The following MOCOS variants were observed in gnomAD, a reference collection of about 807,000 sequenced individuals.
MOCOS encodes human molybdenum cofactor sulfurase.
In MOCOS, 86 loss-of-function variants were observed where a neutral mutation model predicts 83.6. The observed-to-expected ratio is 1.03, with a 90% CI of 0.86 to 1.23. The LOEUF is 1.23. Among genes scored for constraint, MOCOS ranks in the 50% most tolerant of loss-of-function variants. The probability of loss-of-function intolerance (pLI) is 0.00; values close to 1 mark genes in which losing one functional copy is unlikely to be tolerated. For synonymous variants in MOCOS, 445 were observed against 434.7 expected (o/e 1.02, Z -0.29); for missense variants, 1,120 against 1,126.9 (o/e 0.99, Z 0.09).
chr18:36,213,213 C>T (rs868641306), intron 6 of MOCOS, among the ~76,000 whole-genome samples, 153 bp from the exon 7 acceptor site: 5 of 152,138 alleles, frequency 3.3e-5, no homozygotes, highest in Admixed American at 1.3e-4. Context: ...TTTTATACAA[C>T]GTTTAACCTG....
At position 36,200,202 on chromosome 18, in the gene MOCOS, C is replaced by G. The variant is rs375133814; in HGVS notation, c.819C>G (p.Gly273=). The G allele has an allele frequency of 1.9e-6, 3 of 1,614,166 alleles. No homozygotes were observed. The Admixed American group carries it at 5.0e-5, about 27-fold the overall frequency. ...YKIFGFPTGL[G]ALLVHNRAAP... ...TCTTCGGGTTTCCTACAGGCCTGGGCGCTCTGCTGGTCCATAATCGTGCGG... is the reference window on the plus strand; with the variant it reads ...TCTTCGGGTTTCCTACAGGCCTGGGGGCTCTGCTGGTCCATAATCGTGCGG... The change falls in exon 4 of 15, where the codon GGC becomes GGG. Residue 273 remains glycine (G), a synonymous_variant. Coordinates refer to ENST00000261326, the MANE Select transcript of MOCOS (RefSeq NM_017947.4).
chr18:36,263,406 C>T (rs2091670742), intron 13 of MOCOS, among the ~76,000 whole-genome samples: 1 of 152,204 alleles, frequency 6.6e-6, no homozygotes, highest in South Asian at 2.1e-4. Flanking sequence ...TGTTTCAACC[C>T]ATGGAATGCC....
In MOCOS at chr18:36,192,054, A is replaced by G. The variant is rs376374528; in HGVS notation, c.143-3203A>G. Among the ~76,000 whole-genome samples the G allele has an allele frequency of 5.9e-5, 9 of 152,360 alleles. No homozygotes were observed. In the South Asian group the frequency reaches 1.9e-3, roughly 32 times the overall value. On this transcript the variant is annotated intron_variant, in intron 1 of 14. Coordinates refer to ENST00000261326, the MANE Select transcript of MOCOS (RefSeq NM_017947.4). ...AAACTTTCATCCTGAGTTTGAAACA[A>G]GACAAAAGTGCCTGTTCTCACCATT...
chr18:36,199,808 G>A lies in MOCOS; in HGVS notation c.425G>A (p.Gly142Glu). The change falls in exon 4 of 15, where the codon GGG (glycine) becomes GAG (glutamate). Residue 142 changes from glycine to glutamate, a missense_variant. Coordinates refer to ENST00000261326, the MANE Select transcript of MOCOS (RefSeq NM_017947.4). ...PWVSQGPESS[G>E]SRFCYLTDSH... ...GTGTCCCAGGGCCCAGAGAGCAGTG[G>A]GAGTCGCTTCTGTTACCTCACCGAC... is the stretch of plus-strand genomic sequence containing the variant. 3.1e-6 allele frequency: 5 copies of A among 1,614,118 alleles called. No individual in the cohort carries two copies. The highest frequency in any genetic ancestry group is 4.2e-6 in the Non-Finnish European group (5 of 1,180,026).
intron 10 of MOCOS, among the ~76,000 whole-genome samples, chr18:36,250,600 C>A (rs747426936): frequency 1.3e-5 from 2 of 152,162 alleles, no homozygotes; most frequent in African/African-American, 2.4e-5. Context: ...CCAATGTCAC[C>A]AACTTACACA....
chr18:36,242,500 T>C (rs189267892), intron 9 of MOCOS, among the ~76,000 whole-genome samples: 1 of 152,362 alleles, frequency 6.6e-6, no homozygotes, highest in East Asian at 1.9e-4. Flanking sequence ...CCAAAGTCTC[T>C]TCCACATTTT....
chr18:36,256,373 C>A (rs2091641499), intron 11 of MOCOS, among the ~76,000 whole-genome samples: 1 of 152,162 alleles, frequency 6.6e-6, no homozygotes, highest in Non-Finnish European at 1.5e-5. Context: ...TGCTGTCATC[C>A]CTCCTCCTCG....
intron 10 of MOCOS, among the ~76,000 whole-genome samples, chr18:36,249,246 C>A (rs75372397): frequency 6.6e-6 from 1 of 152,134 alleles, no homozygotes; most frequent in African/African-American, 2.4e-5. Flanking sequence ...CCTAGTTATA[C>A]CTCCACAGGG....
Position 36,260,119 on chromosome 18 carries a change from A to G in MOCOS, c.2353A>G (p.Arg785Gly). ...FRANIIINGK[R>G]AFEEEKWDEI... ...TGCCAATATTATTATCAATGGAAAA[A>G]GGGCTTTTGAAGAAGAGAAATGGGA... Residue 785 changes from arginine to glycine, a missense_variant, in exon 13 of 15, where the codon AGG (arginine) becomes GGG (glycine). By Grantham distance (125) the Arg-to-Gly change is moderately radical (BLOSUM62 -2). Coordinates refer to ENST00000261326, the MANE Select transcript of MOCOS (RefSeq NM_017947.4). The G allele has an allele frequency of 6.2e-7, 1 of 1,614,094 alleles. No individual in the cohort carries two copies. Among genetic ancestry groups the G allele is most frequent in the Non-Finnish European group, 8.5e-7 (1 of 1,179,980 alleles).
rs2091400297 is a variant in MOCOS, at chr18:36,198,735, C to T, written c.278C>T (p.Thr93Ile). 4 of 1,614,230 alleles carry T rather than the reference C, an allele frequency of 2.5e-6. No homozygotes were observed. Among genetic ancestry groups the T allele is most frequent in the East Asian group, 4.5e-5 (2 of 44,884 alleles). Residue 93 changes from threonine to isoleucine, a missense_variant, in exon 3 of 15, where the codon ACT (threonine) becomes ATT (isoleucine). Transcript: ENST00000261326. ...ATCAGCAGCAAGCTCACCCATGACA[C>T]TGTGGAGCAGGTGCGCTACAGGTAA... The part of the protein sequence containing the change: ...QNISSKLTHD[T>I]VEQVRYRILA...
At chr18:36,189,155 G>C (rs1256520677) in intron 1 of MOCOS, among the ~76,000 whole-genome samples, 1 of 151,932 alleles carries the variant, frequency 6.6e-6, no homozygotes, top group Non-Finnish European at 1.5e-5. Flanking sequence ...ATGCTACCCT[G>C]GGAAAGTAGA....
intron 2 of MOCOS, among the ~76,000 whole-genome samples, chr18:36,197,993 A>G (rs1319316718): frequency 6.6e-6 from 1 of 152,190 alleles, no homozygotes; most frequent in Admixed American, 6.5e-5. Flanking sequence ...ATGTAAATTG[A>G]TTCATGCATT....
chr18:36,228,222 C>A (rs2091524937), intron 9 of MOCOS, among the ~76,000 whole-genome samples: 1 of 152,138 alleles, frequency 6.6e-6, no homozygotes, highest in Admixed American at 6.6e-5. Flanking sequence ...TGCTTATACA[C>A]CGTTGGTGGG....
At chr18:36,262,305 G>A (rs79948491) in intron 13 of MOCOS, among the ~76,000 whole-genome samples, 5,886 of 64,532 alleles carry the variant, frequency 0.091, 390 homozygotes, top group African/African-American at 0.25. Flanking sequence ...GGTGATGTGC[G>A]CCTGTAGTCT....
chr18:36,240,530 C>G (rs1292399624), intron 9 of MOCOS, among the ~76,000 whole-genome samples: 6 of 150,800 alleles, frequency 4.0e-5, no homozygotes, highest in Admixed American at 1.3e-4. Flanking sequence ...AACCACTATT[C>G]TCTTCAAAGC....
intron 9 of MOCOS, among the ~76,000 whole-genome samples, chr18:36,240,470 C>T (rs1454973149): frequency 2.7e-5 from 4 of 150,464 alleles, no homozygotes; most frequent in Non-Finnish European, 4.4e-5. Flanking sequence ...CAGGGACCCA[C>T]TTGAGGAGGC....
At position 36,220,105 on chromosome 18, in the gene MOCOS, G is replaced by A; in HGVS notation, c.1848G>A (p.Trp616Ter). Reference sequence around the variant, plus strand: ...AAGGGCTGCTATATGACCGGAGCTGGATGGTTGTGAATCACAATGGTGTTT... The same window carrying A: ...AAGGGCTGCTATATGACCGGAGCTGAATGGTTGTGAATCACAATGGTGTTT... ...GNQGLLYDRS[W>*]MVVNHNGVCL... is the part of the protein sequence containing the mutation. Residue 616 changes from tryptophan to a stop codon, truncating the protein, a stop_gained, in exon 9 of 15, where the codon TGG (tryptophan) becomes TGA (stop). Transcript: ENST00000261326. LOFTEE classifies it high-confidence loss of function. 21 of 1,613,988 alleles carry A rather than the reference G, an allele frequency of 1.3e-5. No homozygotes were observed. Among genetic ancestry groups the A allele is most frequent in the Non-Finnish European group, 1.7e-5 (20 of 1,180,018 alleles).
In MOCOS at chr18:36,187,523, A is replaced by G. The variant is rs577493806; in HGVS notation, c.-17A>G. 4 of 1,231,304 alleles carry G rather than the reference A, an allele frequency of 3.2e-6. No homozygotes were observed. Among genetic ancestry groups the G allele is most frequent in the Non-Finnish European group, 4.1e-6 (4 of 986,956 alleles). 76.3% of individuals were successfully genotyped at this position (1,231,304 alleles called of 1,614,324 possible). A position where few individuals can be genotyped will look rare whatever the true frequency, so the allele number is the denominator to read the frequency against. On this transcript the variant is annotated 5_prime_UTR_variant, in exon 1 of 15. It removes an upstream start codon present in the reference 5' UTR. Coordinates refer to ENST00000261326, the MANE Select transcript of MOCOS (RefSeq NM_017947.4). ...CACTTCCCGGGCCCGGCCGGCCTGG[A>G]TGGACTAGCCGGGGCCATGGCCGGC... is the stretch of plus-strand genomic sequence containing the variant.
chr18:36,229,540 C>A (rs1363771417), intron 9 of MOCOS, among the ~76,000 whole-genome samples: 4 of 152,076 alleles, frequency 2.6e-5, no homozygotes, highest in African/African-American at 9.7e-5. Flanking sequence ...TGTCCATTTT[C>A]TTCCTGGATT....
Sources: gnomAD v4.1 joint callset for allele counts (sites outside exome capture counted in the v4.1 genomes callset) on GRCh38, gnomAD v4.1.1 for gene constraint, MANE v1.5 for transcripts, NCBI Gene and HGNC (gene_info 2026-07-23, HGNC 2026-07-21) for gene names.